ZDHHC21: variants seen among roughly 807,000 people sequenced by gnomAD.
The protein encoded by ZDHHC21 is zDHHC palmitoyltransferase 21.
A neutral mutation model predicts 34.6 loss-of-function variants in ZDHHC21; 15 were observed. That is an observed-to-expected ratio of 0.43 (90% CI 0.29 to 0.67). ZDHHC21 has a LOEUF of 0.67. Ranked by LOEUF, ZDHHC21 falls within the 30% of genes least tolerant of loss-of-function variation. The pLI is 0.14. For missense variants in ZDHHC21, 344 were observed against 327.7 expected (o/e 1.05, Z -0.38); for synonymous variants, 142 against 101.8 (o/e 1.40, Z -2.38).
intron 7 of ZDHHC21, among the ~76,000 whole-genome samples, chr9:14,642,966 C>T (rs1393840383): frequency 6.6e-6 from 1 of 152,064 alleles, no homozygotes; most frequent in Non-Finnish European, 1.5e-5. Flanking sequence ...GGGCTGGGTA[C>T]GGTGGCTCAC....
At chr9:14,651,432 C>T (rs1454214645) in intron 7 of ZDHHC21, among the ~76,000 whole-genome samples, 2 of 151,748 alleles carry the variant, frequency 1.3e-5, no homozygotes, top group Non-Finnish European at 2.9e-5. Flanking sequence ...GACATGGGCC[C>T]AAATCACACC....
chr9:14,631,991 T>C (rs983970619), intron 8 of ZDHHC21, among the ~76,000 whole-genome samples: 1 of 151,754 alleles, frequency 6.6e-6, no homozygotes, highest in Admixed American at 6.6e-5. Context: ...GCACACACTG[T>C]TGGGAATATT....
chr9:14,652,820 G>A (rs1160898396), intron 7 of ZDHHC21, among the ~76,000 whole-genome samples: 1 of 151,896 alleles, frequency 6.6e-6, no homozygotes, highest in Non-Finnish European at 1.5e-5. Context: ...GTTGTTTAAT[G>A]AATAAACACT....
At chr9:14,636,571 C>T (rs1191384268) in intron 8 of ZDHHC21, among the ~76,000 whole-genome samples, 3 of 152,032 alleles carry the variant, frequency 2.0e-5, no homozygotes, top group Admixed American at 2.0e-4. Context: ...TAGATATTTA[C>T]AAAACATTTC....
intron 8 of ZDHHC21, among the ~76,000 whole-genome samples, chr9:14,620,236 G>A (rs779845628): frequency 1.3e-5 from 2 of 151,744 alleles, no homozygotes; most frequent in South Asian, 4.2e-4. Flanking sequence ...TAACTTTTTT[G>A]ATAATACAAT....
At chr9:14,685,764 T>C (rs968478962) in intron 2 of ZDHHC21, among the ~76,000 whole-genome samples, 6 of 152,222 alleles carry the variant, frequency 3.9e-5, no homozygotes, top group South Asian at 2.1e-4. Flanking sequence ...CGTATGTGTA[T>C]TGCAGCACTA....
the ZDHHC21 span, among the ~76,000 whole-genome samples, chr9:14,598,168 G>A: frequency 1.6e-4 from 24 of 152,122 alleles, no homozygotes; most frequent in East Asian, 4.6e-3. Context: ...ACCTACTACT[G>A]CAGTGCCCAT....
At chr9:14,646,280 C>T (rs7870354) in intron 7 of ZDHHC21, among the ~76,000 whole-genome samples, 149,025 of 152,242 alleles carry the variant, frequency 0.98, 72,981 homozygotes, top group Middle Eastern at 1. Flanking sequence ...AAAAGAAACA[C>T]CAGGATGATT....
chr9:14,677,262 A>C (rs1382664764), intron 3 of ZDHHC21: 1 of 149,444 alleles, frequency 6.7e-6, no homozygotes, highest in Non-Finnish European at 1.5e-5. Context: ...ATAAAACAAC[A>C]AACAAATAAG....
At chr9:14,675,250 T>C (rs1836162045) in intron 3 of ZDHHC21, among the ~76,000 whole-genome samples, 1 of 151,842 alleles carries the variant, frequency 6.6e-6, no homozygotes, top group Non-Finnish European at 1.5e-5. Flanking sequence ...AATACATCCA[T>C]ACTTTGGTAG....
intron 5 of ZDHHC21, among the ~76,000 whole-genome samples, chr9:14,670,760 A>G (rs1025825794): frequency 6.6e-6 from 1 of 152,094 alleles, no homozygotes; most frequent in African/African-American, 2.4e-5. Flanking sequence ...ATACATATCT[A>G]TATGTTTAGG....
At chr9:14,688,908 G>A (rs1272665066) in intron 2 of ZDHHC21, among the ~76,000 whole-genome samples, 2 of 152,022 alleles carry the variant, frequency 1.3e-5, no homozygotes, top group Non-Finnish European at 2.9e-5. Flanking sequence ...GCCGGGTGTG[G>A]TGGCACATGC....
intron 8 of ZDHHC21, among the ~76,000 whole-genome samples, chr9:14,627,934 A>C (rs1346232594): frequency 6.6e-5 from 10 of 152,220 alleles, no homozygotes; most frequent in South Asian, 2.1e-4. Flanking sequence ...AGCAAAAAAA[A>C]ACCAAAAAAC....
chr9:14,691,208 TA>T (rs1839100513), intron 1 of ZDHHC21, among the ~76,000 whole-genome samples: 1 of 152,142 alleles, frequency 6.6e-6, no homozygotes, highest in Non-Finnish European at 1.5e-5. Flanking sequence ...AACCACTATA[TA>T]ATAAGACTAG....
rs1829010453 is a variant in ZDHHC21 at position 14,639,841 on chromosome 9, T to C, written c.621+55A>G. The C allele has an allele frequency of 1.2e-5, 13 of 1,054,218 alleles. No individual in the cohort carries two copies. The East Asian group carries it at 1.3e-4, about 11-fold the overall frequency. 65.3% of individuals were successfully genotyped at this position (1,054,218 alleles called of 1,614,324 possible). On this transcript the variant is annotated intron_variant, in intron 8 of 9. Transcript: ENST00000380916. Reference sequence around the variant, plus strand: ...CTTCCTATAACTTTTGAGAATTACATTCATAATTAGGTAATATATTCATAA... The same window carrying C: ...CTTCCTATAACTTTTGAGAATTACACTCATAATTAGGTAATATATTCATAA...
chr9:14,685,516 A>G (rs913035575), intron 2 of ZDHHC21, among the ~76,000 whole-genome samples: 9 of 152,208 alleles, frequency 5.9e-5, no homozygotes, highest in Middle Eastern at 3.4e-3. Flanking sequence ...ACCATCTCAC[A>G]CCAGTTAGAA....
At chr9:14,640,308 G>GAAA (rs1184446076) in intron 7 of ZDHHC21, among the ~76,000 whole-genome samples, 14 of 128,352 alleles carry the variant, frequency 1.1e-4, no homozygotes, top group Middle Eastern at 3.9e-3. Context: ...CTATTTTGGG[G>GAAA]AAAAAAAAAA....
At chr9:14,648,137 C>T (rs986982272) in intron 7 of ZDHHC21, among the ~76,000 whole-genome samples, 1 of 152,120 alleles carries the variant, frequency 6.6e-6, no homozygotes, top group Non-Finnish European at 1.5e-5. Context: ...GTTTCGCATT[C>T]TATCTCACAG....
rs893678724 is a variant in ZDHHC21, at chr9:14,616,181, C to G, written c.*2785G>C. The G allele has an allele frequency of 6.6e-6, 1 of 151,610 alleles. No individual in the cohort carries two copies. Among genetic ancestry groups the G allele is most frequent in the African/African-American group, 2.4e-5 (1 of 41,372 alleles). The allele number at this position is 151,610 out of a possible 1,614,324, so 9.4% of individuals were successfully genotyped here. ...TAAAACACAGAAAATGCTTGGTTGT[C>G]TTTGTAGCTACAATACATTTCTATG... On this transcript the variant is annotated 3_prime_UTR_variant, in exon 10 of 10. Coordinates refer to ENST00000380916, the MANE Select transcript of ZDHHC21 (RefSeq NM_178566.6).
Sources: allele counts gnomAD v4.1 joint callset (sites outside exome capture counted in the v4.1 genomes callset), GRCh38; gene constraint gnomAD v4.1.1; transcripts MANE v1.5; gene names NCBI Gene and HGNC (gene_info 2026-07-23, HGNC 2026-07-21).